MATN2: variants seen among roughly 807,000 people sequenced by gnomAD.
MATN2 encodes matrilin 2.
MATN2 carries 69 observed loss-of-function variants against 103.2 expected under a neutral mutation model. The observed-to-expected ratio is 0.67, with a 90% confidence interval of 0.55 to 0.82. MATN2 has a LOEUF of 0.82. Ranked by LOEUF, MATN2 falls within the 40% of genes least tolerant of loss-of-function variation. The pLI is 0.00. For missense variants in MATN2, 1,023 were observed against 1,211.5 expected (o/e 0.84, Z 2.31); for synonymous variants, 429 against 450.2 (o/e 0.95, Z 0.60).
intron 4 of MATN2, among the ~76,000 whole-genome samples, chr8:97,951,561 C>T (rs1810952886): frequency 6.6e-6 from 1 of 152,138 alleles, no homozygotes; most frequent in Non-Finnish European, 1.5e-5. Flanking sequence ...TGTGGGTTTT[C>T]CCAAGCCCTC....
intron 1 of MATN2, among the ~76,000 whole-genome samples, chr8:97,884,778 A>G (rs59759894): frequency 2.0e-5 from 3 of 152,214 alleles, no homozygotes; most frequent in African/African-American, 4.8e-5. Context: ...CCAAATAACA[A>G]CAACAACAAC....
chr8:97,994,772 A>G (rs1812513702), intron 7 of MATN2, among the ~76,000 whole-genome samples, 170 bp downstream of exon 7: 1 of 151,992 alleles, frequency 6.6e-6, no homozygotes, highest in African/African-American at 2.4e-5. Flanking sequence ...TATTATGTGG[A>G]TGATTTTTAA....
At chr8:97,941,968 G>A in intron 4 of MATN2, 69 bp downstream of exon 4, 1 of 1,574,274 alleles carries the variant, frequency 6.4e-7, no homozygotes, top group South Asian at 1.1e-5. Context: ...CTTTTATCTG[G>A]GCTCATTTTA....
chr8:97,968,603 A>G (rs1811558398), intron 5 of MATN2, among the ~76,000 whole-genome samples: 1 of 152,208 alleles, frequency 6.6e-6, no homozygotes, highest in African/African-American at 2.4e-5. Context: ...GCATGAACAC[A>G]ACCCAGCTAA....
At chr8:97,996,384 G>A (rs904352819) in intron 7 of MATN2, among the ~76,000 whole-genome samples, 2 of 152,136 alleles carry the variant, frequency 1.3e-5, no homozygotes, top group Non-Finnish European at 2.9e-5. Context: ...GGGAGTGACC[G>A]TTTTGGAGTG....
At chr8:98,030,779 C>T (rs1369038058) in intron 15 of MATN2, among the ~76,000 whole-genome samples, 165 bp downstream of exon 15, 1 of 152,108 alleles carries the variant, frequency 6.6e-6, no homozygotes, top group East Asian at 1.9e-4. Flanking sequence ...TCTCATGCTT[C>T]AGCCTCCCGA....
intron 1 of MATN2, among the ~76,000 whole-genome samples, chr8:97,872,846 G>A (rs916118299): frequency 2.0e-5 from 3 of 151,674 alleles, no homozygotes; most frequent in Non-Finnish European, 4.4e-5. Flanking sequence ...CCACGCTAGA[G>A]TGCAGTGGCG....
intron 3 of MATN2, among the ~76,000 whole-genome samples, chr8:97,936,540 A>C (rs904591583): frequency 1.3e-5 from 2 of 150,756 alleles, no homozygotes; most frequent in African/African-American, 4.9e-5. Context: ...CCTCCAGCCC[A>C]CCTCCCTACA....
chr8:98,002,040 A>C (rs536847606), intron 7 of MATN2, among the ~76,000 whole-genome samples: 20 of 152,290 alleles, frequency 1.3e-4, no homozygotes, highest in Admixed American at 3.9e-4. Context: ...AGCCCAGCCA[A>C]TGAGGTCGGT....
intron 6 of MATN2, among the ~76,000 whole-genome samples, chr8:97,979,617 C>T (rs1184182263): frequency 3.9e-5 from 6 of 152,028 alleles, no homozygotes; most frequent in Middle Eastern, 3.4e-3. Flanking sequence ...AAAAAGATTC[C>T]AAAAGTGTTC....
intron 3 of MATN2, 47 bp from the exon 4 acceptor site, chr8:97,941,730 A>C: frequency 6.5e-7 from 1 of 1,544,326 alleles, no homozygotes; most frequent in East Asian, 2.5e-5. Context: ...GAATGGAGTG[A>C]GAAAGGGCAT....
At chr8:97,989,612 C>T (rs916667702) in intron 6 of MATN2, among the ~76,000 whole-genome samples, 1 of 152,126 alleles carries the variant, frequency 6.6e-6, no homozygotes, top group African/African-American at 2.4e-5. Flanking sequence ...TGTCCACTCA[C>T]ACCACTGCTA....
intron 1 of MATN2, among the ~76,000 whole-genome samples, chr8:97,883,890 A>G (rs887905391): frequency 6.6e-6 from 1 of 152,050 alleles, no homozygotes; most frequent in Non-Finnish European, 1.5e-5. Context: ...GGGTTTTGCC[A>G]TGTTGCCCTG....
intron 1 of MATN2, among the ~76,000 whole-genome samples, chr8:97,874,404 TTC>T (rs1491340752): frequency 0.075 from 4,990 of 66,646 alleles, 59 homozygotes; most frequent in Non-Finnish European, 0.18. Context: ...CTTCTTCTTC[TTC>T]TTTTTTTTTT....
At chr8:97,942,034 G>A in intron 4 of MATN2, 135 bp downstream of exon 4, 9 of 1,169,816 alleles carry the variant, frequency 7.7e-6, no homozygotes, top group Non-Finnish European at 1.1e-5. Flanking sequence ...CAGAAATAAA[G>A]TTTGGTATTT....
At chr8:97,875,695 T>TTTTTTTG (rs1818044648) in intron 1 of MATN2, among the ~76,000 whole-genome samples, 1 of 129,210 alleles carries the variant, frequency 7.7e-6, no homozygotes, top group Non-Finnish European at 1.7e-5. Flanking sequence ...TGCCTGTTTT[T>TTTTTTTG]TTTTTTTTTT....
intron 10 of MATN2, among the ~76,000 whole-genome samples, chr8:98,010,778 G>A (rs942787392): frequency 2.0e-5 from 3 of 152,148 alleles, no homozygotes; most frequent in Non-Finnish European, 2.9e-5. Flanking sequence ...GGACACCAAC[G>A]GGGATCAGAG....
At chr8:97,969,199 T>C (rs529214344) in intron 5 of MATN2, among the ~76,000 whole-genome samples, 1 of 152,304 alleles carries the variant, frequency 6.6e-6, no homozygotes, top group South Asian at 2.1e-4. Context: ...GGGGTGGTGC[T>C]AAGCCATTTA....
At position 97,931,419 on chromosome 8, in the gene MATN2, C is replaced by T; in HGVS notation, c.609C>T (p.Thr203=). Residue 203 remains threonine, a synonymous_variant, in exon 3 of 19, where the codon ACC becomes ACT. Coordinates refer to ENST00000254898, the MANE Select transcript of MATN2 (RefSeq NM_002380.5). The surrounding 1 kb of genome is among the most constrained non-coding windows in gnomAD (Gnocchi z 4.1). ...AIGVGQVDFN[T]LKSIGSEPHE... ...GTGTGGGCCAGGTAGACTTCAACAC[C>T]TTGAAGTCCATTGGGAGTGAGCCCC... 4 of 1,613,544 alleles carry T rather than the reference C, an allele frequency of 2.5e-6. 1 individual carries two copies. In the South Asian group the frequency reaches 3.3e-5, roughly 13 times the overall value.
Sources: allele counts gnomAD v4.1 joint callset (sites outside exome capture counted in the v4.1 genomes callset), GRCh38; gene constraint gnomAD v4.1.1; non-coding constraint Gnocchi (gnomAD v3.1); transcripts MANE v1.5; gene names NCBI Gene and HGNC (gene_info 2026-07-23, HGNC 2026-07-21).